Variants in MTARC2 observed in about 807,000 individuals in gnomAD.
MTARC2 encodes mitochondrial amidoxime reducing component 2.
In MTARC2, 27 loss-of-function variants were observed where a neutral mutation model predicts 35.6. The ratio of observed to expected loss-of-function variants is 0.76; its 90% CI spans 0.56 to 1.04. The LOEUF (loss-of-function observed/expected upper bound fraction) is 1.04, where lower values mean the gene tolerates loss of function less well. Among genes scored for constraint, MTARC2 ranks in the 50% least tolerant of loss-of-function variants. The pLI is 0.00. For synonymous variants in MTARC2, 158 were observed against 167.1 expected, an observed-to-expected ratio of 0.95 and a Z score of 0.42; for missense variants, 412 against 432.5, an observed-to-expected ratio of 0.95 and a Z score of 0.42.
intron 3 of MTARC2, 35 bp downstream of exon 3, chr1:220,761,855 A>G (rs775807583): frequency 1.9e-6 from 3 of 1,559,420 alleles, no homozygotes; most frequent in East Asian, 2.3e-5. Flanking sequence ...CACTGCTACT[A>G]GTCACCCTTC....
Position 220,774,250 on chromosome 1 carries a change from A to T in MTARC2, c.751-5768A>T, listed in dbSNP as rs150671544. ...CCTGGCTAATTTTTGTAATTTTGGG[A>T]GACACGAGGTTATATCATGTTGTCT... On this transcript the variant is annotated intron_variant, in intron 4 of 7. Transcript: ENST00000366913. Among the ~76,000 whole-genome samples, 49 of 152,188 alleles carry T rather than the reference A, an allele frequency of 3.2e-4. No homozygotes were observed. The East Asian group carries it at 7.5e-3, about 23-fold the overall frequency.
Position 220,748,484 on chromosome 1 carries a change from G to T in MTARC2, c.-48G>T, listed in dbSNP as rs752672638. The T allele has an allele frequency of 1.3e-3, 1,700 of 1,350,470 alleles. 1 individual carries two copies. The highest frequency in any genetic ancestry group is 1.4e-3 in the Non-Finnish European group (1,472 of 1,060,112). The allele number at this position is 1,350,470 out of a possible 1,614,324, so 83.7% of individuals were successfully genotyped here. ...GGGCCTCCTCGTCCTCCCGGTCTCC[G>T]GTCGCTGCCGGGTCTGTGCGCCGGT... On this transcript the variant is annotated 5_prime_UTR_variant, in exon 1 of 8. Coordinates refer to ENST00000366913, the MANE Select transcript of MTARC2 (RefSeq NM_017898.5).
chr1:220,772,681 A>AGGGTGTATGTGTGTGTGTTTGT (rs1671776136), intron 4 of MTARC2, among the ~76,000 whole-genome samples: 1 of 148,604 alleles, frequency 6.7e-6, no homozygotes, highest in South Asian at 2.1e-4. Flanking sequence ...CACTCTGGGC[A>AGGGTGTATGTGTGTGTGTTTGT]GGGTGTGTGT....
intron 1 of MTARC2, chr1:220,754,466 C>T (rs1017397379): frequency 3.5e-5 from 16 of 455,858 alleles, no homozygotes; most frequent in East Asian, 1.4e-4. Context: ...GGCCTGGTTC[C>T]GCTTGGAGGC....
intron 4 of MTARC2, among the ~76,000 whole-genome samples, chr1:220,768,347 G>A (rs1270865614): frequency 6.6e-6 from 1 of 152,210 alleles, no homozygotes; most frequent in Admixed American, 6.5e-5. Flanking sequence ...TTAGGAAACA[G>A]TGTAAAATGT....
chr1:220,750,368 G>T (rs1217219976), intron 1 of MTARC2, among the ~76,000 whole-genome samples: 1 of 152,172 alleles, frequency 6.6e-6, no homozygotes, highest in Non-Finnish European at 1.5e-5. Flanking sequence ...CGCTTGAAGG[G>T]TTGGTTTCAC....
At chr1:220,776,281 T>G (rs1165446223) in intron 4 of MTARC2, among the ~76,000 whole-genome samples, 2 of 152,198 alleles carry the variant, frequency 1.3e-5, no homozygotes, top group East Asian at 3.8e-4. Flanking sequence ...ATCAGTGATA[T>G]TGAGGATTTT....
rs1027768928 is a variant in MTARC2 at position 220,783,985 on chromosome 1, T to C, written c.*98T>C. ...GCAGCAACGATACATCAGCAAATCC[T>C]TATTATCCAGCCTTCAACTATCTTT... On this transcript the variant is annotated 3_prime_UTR_variant, in exon 8 of 8. Transcript: ENST00000366913. 1 of 717,146 alleles carries C rather than the reference T, an allele frequency of 1.4e-6. No homozygotes were observed. The highest frequency in any genetic ancestry group is 1.7e-5 in the African/African-American group (1 of 57,284). The allele number at this position is 717,146 out of a possible 1,614,324, so 44.4% of individuals were successfully genotyped here.
At position 220,772,988 on chromosome 1, in the gene MTARC2, T is replaced by C. The variant is rs116178001; in HGVS notation, c.751-7030T>C. ...CCTTGGAATTTCCCGAGTGACGGGGTAAGAGGAGTTTCTTTTGTCATTCAT... is the reference window on the plus strand; with the variant it reads ...CCTTGGAATTTCCCGAGTGACGGGGCAAGAGGAGTTTCTTTTGTCATTCAT... On this transcript the variant is annotated intron_variant, in intron 4 of 7. Coordinates refer to ENST00000366913, the MANE Select transcript of MTARC2 (RefSeq NM_017898.5). 9.1e-3 allele frequency among the ~76,000 whole-genome samples: 1,378 copies of C among 152,158 alleles called. 20 individuals are homozygous for C. Among genetic ancestry groups the C allele is most frequent in the African/African-American group, 0.03 (1,231 of 41,492 alleles).
intron 4 of MTARC2, among the ~76,000 whole-genome samples, chr1:220,771,118 G>A (rs1308677840): frequency 3.5e-4 from 53 of 152,202 alleles, no homozygotes; most frequent in Non-Finnish European, 1.9e-4. Flanking sequence ...GACCACTATG[G>A]TGAAACCCCA....
intron 2 of MTARC2, among the ~76,000 whole-genome samples, chr1:220,756,662 C>G (rs1671289126): frequency 6.6e-6 from 1 of 151,462 alleles, no homozygotes; most frequent in Non-Finnish European, 1.5e-5. Flanking sequence ...AATTGGAAGA[C>G]ATGTGAAGGT....
intron 4 of MTARC2, among the ~76,000 whole-genome samples, chr1:220,772,453 C>A (rs1473195789): frequency 6.6e-6 from 1 of 152,150 alleles, no homozygotes; most frequent in Admixed American, 6.5e-5. Context: ...TGTATGGCAT[C>A]CTGTCTTAGT....
Position 220,771,296 on chromosome 1 carries a change from C to CAAAAAAAAAA in MTARC2, c.750+8260_750+8269dup, listed in dbSNP as rs57776178. Among the ~76,000 whole-genome samples, 92 of 57,090 alleles carry CAAAAAAAAAA rather than the reference C, an allele frequency of 1.6e-3. 15 individuals carry two copies. Among genetic ancestry groups the CAAAAAAAAAA allele is most frequent in the African/African-American group, 5.7e-3 (84 of 14,668 alleles). 37.5% of individuals were successfully genotyped at this position (57,090 alleles called of 152,430 possible). The stretch of plus-strand genomic sequence containing the variant: ...CCTTGGTGACAGAGTGAGACTGTCT[C>CAAAAAAAAAA]AAAAAAAAAAAAAAAAAAAAAAAGC... On this transcript the variant is annotated intron_variant, in intron 4 of 7. Transcript: ENST00000366913.
rs1431740299 is a variant in MTARC2, at chr1:220,748,510, C to T, written c.-22C>T. On this transcript the variant is annotated 5_prime_UTR_variant, in exon 1 of 8. Coordinates refer to ENST00000366913, the MANE Select transcript of MTARC2 (RefSeq NM_017898.5). ...GTCGCTGCCGGGTCTGTGCGCCGGT[C>T]CGCGCCCGCCCTCGCTCTGCCATGG... is the stretch of plus-strand genomic sequence containing the variant. The T allele has an allele frequency of 7.3e-7, 1 of 1,377,386 alleles. No individual in the cohort carries two copies. The allele number at this position is 1,377,386 out of a possible 1,614,324, so 85.3% of individuals were successfully genotyped here.
At chr1:220,771,909 T>A (rs761017649) in intron 4 of MTARC2, among the ~76,000 whole-genome samples, 1 of 152,162 alleles carries the variant, frequency 6.6e-6, no homozygotes, top group Non-Finnish European at 1.5e-5. Context: ...ATCCCAGAAC[T>A]TAAAGTAAAA....
At chr1:220,776,426 T>G (rs1162935777) in intron 4 of MTARC2, among the ~76,000 whole-genome samples, 2 of 152,126 alleles carry the variant, frequency 1.3e-5, no homozygotes, top group Non-Finnish European at 2.9e-5. Context: ...AAATTTATTT[T>G]AATAGTATAT....
At chr1:220,753,926 T>G (rs1177030301) in intron 1 of MTARC2, among the ~76,000 whole-genome samples, 1 of 152,132 alleles carries the variant, frequency 6.6e-6, no homozygotes, top group Non-Finnish European at 1.5e-5. Flanking sequence ...GGTACACACC[T>G]GTAATCCCAG....
At chr1:220,753,992 G>A (rs188366962) in intron 1 of MTARC2, among the ~76,000 whole-genome samples, 34 of 152,306 alleles carry the variant, frequency 2.2e-4, no homozygotes, top group African/African-American at 7.9e-4. Flanking sequence ...GGAGGTTGCA[G>A]TGAGCTAGAC....
At chr1:220,761,975 T>A (rs964303557) in intron 3 of MTARC2, among the ~76,000 whole-genome samples, 155 bp downstream of exon 3, 20 of 151,888 alleles carry the variant, frequency 1.3e-4, no homozygotes, top group Non-Finnish European at 2.8e-4. Flanking sequence ...TAGGCAGAGG[T>A]ACCAGGGGAT....
Sources: gnomAD v4.1 joint callset for allele counts (sites outside exome capture counted in the v4.1 genomes callset) on GRCh38, gnomAD v4.1.1 for gene constraint, MANE v1.5 for transcripts, NCBI Gene and HGNC (gene_info 2026-07-23, HGNC 2026-07-21) for gene names.